The following LRMDA variants were observed in gnomAD, a reference collection of about 807,000 sequenced individuals.
LRMDA encodes the protein leucine-rich melanocyte differentiation-associated protein.
A neutral mutation model predicts 29.8 loss-of-function variants in LRMDA; 18 were observed. That is an observed-to-expected ratio of 0.60 (90% CI 0.42 to 0.90). The LOEUF is 0.90. Ranked by LOEUF, LRMDA falls within the 40% of genes least tolerant of loss-of-function variation. The pLI is 0.00. For missense variants in LRMDA, 273 were observed against 273.9 expected, an observed-to-expected ratio of 1.00 and a Z score of 0.02; for synonymous variants, 125 against 109.4, an observed-to-expected ratio of 1.14 and a Z score of -0.89.
intron 6 of LRMDA, among the ~76,000 whole-genome samples, chr10:76,347,811 T>TAGATGTGTACTTC: frequency 6.6e-6 from 1 of 152,094 alleles, no homozygotes; most frequent in African/African-American, 2.4e-5. Context: ...ATAAGAAAAA[T>TAGATGTGTACTTC]CTCTAATAAA....
intron 5 of LRMDA, among the ~76,000 whole-genome samples, chr10:76,089,595 T>C (rs1286194052): frequency 6.6e-5 from 10 of 152,150 alleles, no homozygotes; most frequent in Admixed American, 6.5e-4. Context: ...CTGTTATGCT[T>C]GGAGGCGACA....
intron 2 of LRMDA, among the ~76,000 whole-genome samples, chr10:75,611,727 C>T (rs1841034558): frequency 6.6e-6 from 1 of 152,220 alleles, no homozygotes; most frequent in Non-Finnish European, 1.5e-5. Context: ...ATGTGCTCCC[C>T]TTCTCTGGGT....
At position 76,501,284 on chromosome 10, in the gene LRMDA, C is replaced by T. The variant is rs536835669; in HGVS notation, c.602-55925C>T. Among the ~76,000 whole-genome samples the T allele has an allele frequency of 5.9e-5, 9 of 151,978 alleles. No homozygotes were observed. In the East Asian group the frequency reaches 1.5e-3, roughly 26 times the overall value. On this transcript the variant is annotated intron_variant, in intron 6 of 6. Coordinates refer to ENST00000611255, the MANE Select transcript of LRMDA (RefSeq NM_001305581.2). The stretch of plus-strand genomic sequence containing the variant: ...TTATTCAGTCTACTACTGATGGGCA[C>T]TTGGGTTGATTCCATGTCTTTGGTA...
At chr10:75,549,127 T>C (rs138408805) in intron 2 of LRMDA, among the ~76,000 whole-genome samples, 4 of 152,228 alleles carry the variant, frequency 2.6e-5, no homozygotes, top group Non-Finnish European at 5.9e-5. Context: ...GATTCATCCA[T>C]GTGGTTGCAT....
At chr10:75,647,814 TGGTCTCTA>T (rs1207385926) in intron 2 of LRMDA, among the ~76,000 whole-genome samples, 2 of 152,188 alleles carry the variant, frequency 1.3e-5, no homozygotes, top group Admixed American at 6.5e-5. Flanking sequence ...CCAAGGTAGC[TGGTCTCTA>T]GGTCTCTCTT....
chr10:76,515,523 T>G (rs1843051285), intron 6 of LRMDA, among the ~76,000 whole-genome samples: 1 of 152,142 alleles, frequency 6.6e-6, no homozygotes, highest in Admixed American at 6.5e-5. Context: ...CTCTTTTTTT[T>G]GAGACAGGGT....
chr10:76,476,164 A>T (rs1465222268), intron 6 of LRMDA, among the ~76,000 whole-genome samples: 1 of 152,188 alleles, frequency 6.6e-6, no homozygotes, highest in Non-Finnish European at 1.5e-5. Flanking sequence ...AAGACTAATA[A>T]AGAATAAAAG....
intron 5 of LRMDA, among the ~76,000 whole-genome samples, chr10:76,219,757 C>G (rs1851795546): frequency 6.6e-6 from 1 of 152,254 alleles, no homozygotes; most frequent in East Asian, 1.9e-4. Context: ...AGCTCTGCAC[C>G]AAGTGGACCT....
rs868452651 is a variant in LRMDA at position 76,512,213 on chromosome 10, C to T, written c.602-44996C>T. 5.3e-5 allele frequency among the ~76,000 whole-genome samples: 8 copies of T among 152,290 alleles called. No individual in the cohort carries two copies. The South Asian group carries it at 1.5e-3, about 28-fold the overall frequency. ...TCATCTCCTGCCATGATTCTGAGGC[C>T]TCCCCAGCCATGTGCAACTGTAAGT... On this transcript the variant is annotated intron_variant, in intron 6 of 6. Coordinates refer to ENST00000611255, the MANE Select transcript of LRMDA (RefSeq NM_001305581.2).
rs3041614 is a variant in LRMDA, at chr10:75,514,164, G to GTTT, written c.131+75684_131+75686dup. 1.2e-4 allele frequency among the ~76,000 whole-genome samples: 16 copies of GTTT among 138,780 alleles called. No homozygotes were observed. The East Asian group carries it at 1.3e-3, about 11-fold the overall frequency. 91.0% of individuals were successfully genotyped at this position (138,780 alleles called of 152,430 possible). ...ATTCAAAGGCAGTCCTCCTTTACCT[G>GTTT]TTTTTTTTTTTTTTTTCCTTTCTTC... On this transcript the variant is annotated intron_variant, in intron 2 of 6. Coordinates refer to ENST00000611255, the MANE Select transcript of LRMDA (RefSeq NM_001305581.2).
At chr10:76,213,132 T>A (rs1376248328) in intron 5 of LRMDA, among the ~76,000 whole-genome samples, 1 of 152,260 alleles carries the variant, frequency 6.6e-6, no homozygotes, top group African/African-American at 2.4e-5. Context: ...AGTCTTTAGT[T>A]ACAGCCACAC....
chr10:76,340,514 T>TTG (rs1841026507), intron 6 of LRMDA, among the ~76,000 whole-genome samples: 1 of 5,282 alleles, frequency 1.9e-4, no homozygotes, highest in African/African-American at 1.1e-3. Context: ...AGAACCTGTA[T>TTG]CAAAAAAAAA....
chr10:75,624,409 C>G (rs1169115910), intron 2 of LRMDA, among the ~76,000 whole-genome samples: 1 of 152,042 alleles, frequency 6.6e-6, no homozygotes, highest in African/African-American at 2.4e-5. Flanking sequence ...GAGTAAAATG[C>G]TGTGATAGAG....
At chr10:75,969,622 TTTC>T (rs1846929640) in intron 2 of LRMDA, among the ~76,000 whole-genome samples, 1 of 152,254 alleles carries the variant, frequency 6.6e-6, no homozygotes, top group Non-Finnish European at 1.5e-5. Context: ...TCTTGGTACC[TTTC>T]ATCAGTTTTG....
At chr10:76,217,610 G>A (rs1038621944) in intron 5 of LRMDA, among the ~76,000 whole-genome samples, 6 of 152,184 alleles carry the variant, frequency 3.9e-5, no homozygotes, top group Non-Finnish European at 8.8e-5. Context: ...GGAAGAAGAA[G>A]AGAATGTTAT....
At chr10:75,727,514 T>C (rs1842644536) in intron 2 of LRMDA, among the ~76,000 whole-genome samples, 1 of 152,364 alleles carries the variant, frequency 6.6e-6, no homozygotes, top group Non-Finnish European at 1.5e-5. Context: ...GATATGCATA[T>C]GCTTATCGCT....
At chr10:75,572,642 T>G (rs1840451971) in intron 2 of LRMDA, among the ~76,000 whole-genome samples, 1 of 152,264 alleles carries the variant, frequency 6.6e-6, no homozygotes, top group African/African-American at 2.4e-5. Flanking sequence ...TACTTTGGCT[T>G]TCTTGCTGAA....
chr10:76,145,006 C>T (rs1182775568), intron 5 of LRMDA, among the ~76,000 whole-genome samples: 4 of 152,162 alleles, frequency 2.6e-5, no homozygotes. Flanking sequence ...TATTGATTTG[C>T]ATATGTTGAA....
chr10:76,244,364 G>A (rs774408702), intron 5 of LRMDA, among the ~76,000 whole-genome samples: 17 of 151,970 alleles, frequency 1.1e-4, no homozygotes, highest in Admixed American at 9.2e-4. Context: ...CATCTTCTAC[G>A]CCTCCTAAAA....
Sources: gnomAD v4.1 joint callset for allele counts (sites outside exome capture counted in the v4.1 genomes callset) on GRCh38, gnomAD v4.1.1 for gene constraint, MANE v1.5 for transcripts, NCBI Gene and HGNC (gene_info 2026-07-23, HGNC 2026-07-21) for gene names.